The following TCF12 variants were observed in gnomAD, a reference collection of about 807,000 sequenced individuals.
TCF12 encodes the protein DNA-binding protein HTF4.
Under a neutral mutation model 86.0 loss-of-function variants are expected in TCF12, and 45 were observed. The ratio of observed to expected loss-of-function variants is 0.52; its 90% confidence interval spans 0.41 to 0.67. The LOEUF is 0.67. Among genes scored for constraint, TCF12 ranks in the 30% least tolerant of loss-of-function variants. The probability of loss-of-function intolerance (pLI) is 0.00; values close to 1 mark genes in which losing one functional copy is unlikely to be tolerated. For synonymous variants in TCF12, 330 were observed against 299.6 expected (o/e 1.10, Z -1.05); for missense variants, 881 against 859.9 (o/e 1.02, Z -0.31).
intron 3 of TCF12, among the ~76,000 whole-genome samples, chr15:57,035,462 T>C (rs2066450754): frequency 6.6e-6 from 1 of 152,126 alleles, no homozygotes; most frequent in African/African-American, 2.4e-5. Context: ...AGACGGGATC[T>C]CACTATGTTG....
At position 57,074,255 on chromosome 15, in the gene TCF12, G is replaced by T. The variant is rs566597321; in HGVS notation, c.222+10432G>T. ...AAGAGCTTTTTCTCATAGGAAGTGT[G>T]CAAGAATTAATAGAGGAAGTTTTAT... On this transcript the variant is annotated intron_variant, in intron 4 of 20. Transcript: ENST00000333725. Among the ~76,000 whole-genome samples the T allele has an allele frequency of 7.9e-4, 119 of 151,518 alleles. 1 individual carries two copies. Among genetic ancestry groups the T allele is most frequent in the African/African-American group, 2.7e-3 (112 of 41,292 alleles).
At chr15:57,093,000 T>A (rs2049088485) in intron 5 of TCF12, among the ~76,000 whole-genome samples, 1 of 152,280 alleles carries the variant, frequency 6.6e-6, no homozygotes, top group African/African-American at 2.4e-5. Context: ...TCTGATAGTC[T>A]AGTGTGGATT....
At chr15:56,923,306 C>T (rs1198421589) in intron 3 of TCF12, among the ~76,000 whole-genome samples, 2 of 151,980 alleles carry the variant, frequency 1.3e-5, no homozygotes, top group Non-Finnish European at 2.9e-5. Flanking sequence ...TATCTTTAAT[C>T]TTATTCCTGA....
At chr15:57,247,481 G>C (rs1188477416) in intron 13 of TCF12, 7 of 742,554 alleles carry the variant, frequency 9.4e-6, no homozygotes, top group South Asian at 2.8e-5. Flanking sequence ...CCCATTAATA[G>C]TGTGGCATTT....
In TCF12 at chr15:57,199,085, T is replaced by C. The variant is rs547976322; in HGVS notation, c.579+1260T>C. On this transcript the variant is annotated intron_variant, in intron 8 of 20. Transcript: ENST00000333725. ...CCTGCAGCCTACCTGGAAGGTTGGC[T>C]TGCAGCTGCAGGCATTCTTAAAAGC... Among the ~76,000 whole-genome samples, 5 of 152,334 alleles carry C rather than the reference T, an allele frequency of 3.3e-5. 1 individual carries two copies. In the South Asian group the frequency reaches 1.0e-3, roughly 32 times the overall value.
intron 5 of TCF12, among the ~76,000 whole-genome samples, chr15:57,133,866 C>T (rs1954414176): frequency 6.6e-6 from 1 of 152,094 alleles, no homozygotes; most frequent in Non-Finnish European, 1.5e-5. Context: ...TAATAGATTA[C>T]GCTTTCTGTA....
At chr15:57,101,615 A>C (rs188693133) in intron 5 of TCF12, among the ~76,000 whole-genome samples, 1 of 152,268 alleles carries the variant, frequency 6.6e-6, no homozygotes, top group South Asian at 2.1e-4. Context: ...ACACACGTGC[A>C]TATGCACCCA....
At chr15:57,084,566 C>T (rs2048509085) in intron 4 of TCF12, among the ~76,000 whole-genome samples, 1 of 152,084 alleles carries the variant, frequency 6.6e-6, no homozygotes, top group Admixed American at 6.6e-5. Flanking sequence ...AAAACTCTGC[C>T]GGAGCTTCTG....
At chr15:56,992,364 TTTG>T (rs1208041858) in intron 3 of TCF12, among the ~76,000 whole-genome samples, 4 of 152,246 alleles carry the variant, frequency 2.6e-5, no homozygotes, top group Non-Finnish European at 5.9e-5. Flanking sequence ...CTTTTAATTT[TTTG>T]TTGTTGTTGT....
At chr15:57,145,360 C>T (rs1341809911) in intron 5 of TCF12, among the ~76,000 whole-genome samples, 1 of 151,956 alleles carries the variant, frequency 6.6e-6, no homozygotes, top group African/African-American at 2.4e-5. Context: ...ATTTAGTTGA[C>T]CTCAATGATT....
chr15:57,057,614 T>C (rs1412243931), intron 3 of TCF12, among the ~76,000 whole-genome samples: 1 of 149,780 alleles, frequency 6.7e-6, no homozygotes, highest in Non-Finnish European at 1.5e-5. Context: ...GAAAGAACAG[T>C]AGGAGATGAG....
At chr15:57,159,873 A>G (rs1415476815) in intron 5 of TCF12, among the ~76,000 whole-genome samples, 5 of 152,234 alleles carry the variant, frequency 3.3e-5, no homozygotes, top group South Asian at 2.1e-4. Flanking sequence ...GAAGGCAACA[A>G]TTGTTTCTTG....
chr15:57,223,147 T>C lies in TCF12; in HGVS notation c.580-8005T>C, dbSNP rs1260350134. On this transcript the variant is annotated intron_variant, in intron 8 of 20. Coordinates refer to ENST00000333725, the MANE Select transcript of TCF12 (RefSeq NM_207037.2). The stretch of plus-strand genomic sequence containing the variant: ...ACAACCACTGTCATTTAGCTGTTAC[T>C]AGCTCATTTTATAAATAAGGAAAAT... 2.6e-5 allele frequency among the ~76,000 whole-genome samples: 4 copies of C among 152,136 alleles called. No homozygotes were observed. The East Asian group carries it at 5.8e-4, about 22-fold the overall frequency.
intron 5 of TCF12, among the ~76,000 whole-genome samples, chr15:57,124,326 A>G (rs2051472187): frequency 3.3e-5 from 5 of 152,098 alleles, no homozygotes; most frequent in Admixed American, 3.3e-4. Flanking sequence ...TGTGAGGAAA[A>G]TATTAAATAG....
chr15:56,952,869 G>A (rs1478207304), intron 3 of TCF12, among the ~76,000 whole-genome samples: 3 of 152,092 alleles, frequency 2.0e-5, no homozygotes, highest in African/African-American at 7.2e-5. Context: ...TTGCCTGATT[G>A]TACTTTCCAG....
At chr15:57,094,586 G>A (rs771552850) in intron 5 of TCF12, among the ~76,000 whole-genome samples, 4 of 152,144 alleles carry the variant, frequency 2.6e-5, no homozygotes, top group Non-Finnish European at 4.4e-5. Flanking sequence ...GGAGTTTCTG[G>A]CTGAAAAACC....
intron 18 of TCF12, among the ~76,000 whole-genome samples, chr15:57,266,958 G>A (rs752445189): frequency 2.6e-5 from 4 of 152,210 alleles, no homozygotes; most frequent in Non-Finnish European, 4.4e-5. Context: ...GAGTTCAGAA[G>A]TTTGAGGCTA....
At chr15:57,056,065 T>C (rs2141631390) in intron 3 of TCF12, among the ~76,000 whole-genome samples, 1 of 152,124 alleles carries the variant, frequency 6.6e-6, no homozygotes, top group South Asian at 2.1e-4. Context: ...CCATTTACTC[T>C]TAAGACCATC....
chr15:56,934,067 T>C (rs1453626344), intron 3 of TCF12, among the ~76,000 whole-genome samples: 1 of 152,074 alleles, frequency 6.6e-6, no homozygotes, highest in Admixed American at 6.6e-5. Context: ...ATTGAAGCAC[T>C]AAAGTAAAAT....
Sources: gnomAD v4.1 joint callset for allele counts (sites outside exome capture counted in the v4.1 genomes callset) on GRCh38, gnomAD v4.1.1 for gene constraint, MANE v1.5 for transcripts, NCBI Gene and HGNC (gene_info 2026-07-23, HGNC 2026-07-21) for gene names.